PTPRG: variants seen among roughly 807,000 people sequenced by gnomAD.
PTPRG encodes receptor-type tyrosine-protein phosphatase gamma.
PTPRG carries 102 observed loss-of-function variants against 165.3 expected under a neutral mutation model. The ratio of observed to expected loss-of-function variants is 0.62; its 90% CI spans 0.53 to 0.73. The LOEUF is 0.73. Among genes scored for constraint, PTPRG ranks in the 30% least tolerant of loss-of-function variants. The probability of loss-of-function intolerance (pLI) is 0.00; values close to 1 mark genes in which losing one functional copy is unlikely to be tolerated. For missense variants in PTPRG, 1,866 were observed against 1,861.4 expected (o/e 1.00, Z -0.05); for synonymous variants, 675 against 669.5 (o/e 1.01, Z -0.13).
chr3:62,136,866 G>C (rs960288809), intron 6 of PTPRG, among the ~76,000 whole-genome samples: 1 of 152,054 alleles, frequency 6.6e-6, no homozygotes, highest in East Asian at 1.9e-4. Flanking sequence ...CCCAGTCTTG[G>C]GCATGTCTTT....
At chr3:61,742,831 A>G (rs1482096767) in intron 1 of PTPRG, 1 of 1,596,168 alleles carries the variant, frequency 6.3e-7, no homozygotes, top group Non-Finnish European at 8.6e-7. Flanking sequence ...ATTCTTTTTG[A>G]GTTTTTTCAG....
In PTPRG at chr3:62,190,884, G is replaced by A. The variant is rs1018198823; in HGVS notation, c.1034-585G>A. 6.6e-6 allele frequency among the ~76,000 whole-genome samples: 1 copy of A among 152,144 alleles called. No individual in the cohort carries two copies. ...AGACAGCGGGGAAAATTTGAATATG[G>A]ACTATATATGAGATAATAGTATTGA... On this transcript the variant is annotated intron_variant, in intron 8 of 29. Transcript: ENST00000474889. The surrounding 1 kb of genome is among the most constrained non-coding windows in gnomAD (Gnocchi z 5.2).
At chr3:61,665,980 TA>T (rs1432787794) in intron 1 of PTPRG, among the ~76,000 whole-genome samples, 2 of 98,278 alleles carry the variant, frequency 2.0e-5, no homozygotes, top group African/African-American at 6.6e-5. Flanking sequence ...AACGCCTTTT[TA>T]CTTTTTTTTT....
chr3:62,059,621 TGAGCCCAG>T (rs995061422), intron 4 of PTPRG, among the ~76,000 whole-genome samples: 3 of 152,220 alleles, frequency 2.0e-5, no homozygotes, highest in Admixed American at 6.5e-5. Flanking sequence ...ACAGATTGCA[TGAGCCCAG>T]GAGTTCAAGA....
chr3:61,919,264 G>A (rs2039019495), intron 2 of PTPRG, among the ~76,000 whole-genome samples: 1 of 152,194 alleles, frequency 6.6e-6, no homozygotes, highest in Non-Finnish European at 1.5e-5. Context: ...AGATACAGAT[G>A]TGGTTGATCA....
At chr3:61,921,090 G>C (rs2039065761) in intron 2 of PTPRG, among the ~76,000 whole-genome samples, 1 of 148,866 alleles carries the variant, frequency 6.7e-6, no homozygotes, top group African/African-American at 2.5e-5. Context: ...CTTCCTTCTT[G>C]TCTTCCATCC....
chr3:62,035,838 C>T (rs1018831921), intron 4 of PTPRG, among the ~76,000 whole-genome samples: 2 of 152,198 alleles, frequency 1.3e-5, no homozygotes, highest in African/African-American at 4.8e-5. Context: ...TTGAGAGGAG[C>T]TGTTCTCCCA....
intron 1 of PTPRG, among the ~76,000 whole-genome samples, chr3:61,656,047 C>T (rs557278384): frequency 1.1e-4 from 16 of 150,842 alleles, no homozygotes; most frequent in Non-Finnish European, 1.5e-4. Context: ...AGACCCCCCC[C>T]CCCCCGACCA....
intron 4 of PTPRG, among the ~76,000 whole-genome samples, chr3:62,058,594 C>T (rs776216867): frequency 1.3e-5 from 2 of 152,218 alleles, no homozygotes; most frequent in Non-Finnish European, 2.9e-5. Flanking sequence ...CATTCTTGCC[C>T]TGCGTTTATG....
chr3:61,623,176 G>A (rs1559528414), intron 1 of PTPRG, among the ~76,000 whole-genome samples: 1 of 152,148 alleles, frequency 6.6e-6, no homozygotes, highest in South Asian at 2.1e-4. Context: ...TCTAAGAATC[G>A]TAAGATACCA....
At chr3:61,625,341 T>G (rs1701578674) in intron 1 of PTPRG, among the ~76,000 whole-genome samples, 1 of 152,138 alleles carries the variant, frequency 6.6e-6, no homozygotes, top group Admixed American at 6.5e-5. Flanking sequence ...CAAATACTTC[T>G]TCATGAAAAA....
chr3:62,058,012 T>TG (rs1449272876), intron 4 of PTPRG, among the ~76,000 whole-genome samples: 4 of 152,330 alleles, frequency 2.6e-5, no homozygotes, highest in African/African-American at 9.6e-5. Flanking sequence ...GACCAGAACT[T>TG]GGGGCTACAG....
intron 1 of PTPRG, among the ~76,000 whole-genome samples, chr3:61,735,536 T>G (rs1352961246): frequency 2.6e-5 from 4 of 152,090 alleles, no homozygotes; most frequent in Admixed American, 1.3e-4. Flanking sequence ...TGAGTTTTTT[T>G]TTTTTTTTTC....
At chr3:61,645,229 T>C (rs549068398) in intron 1 of PTPRG, among the ~76,000 whole-genome samples, 1 of 152,362 alleles carries the variant, frequency 6.6e-6, no homozygotes, top group South Asian at 2.1e-4. Flanking sequence ...AGTGTTTGCA[T>C]TTAGCCACAG....
chr3:62,203,507 C>T lies in PTPRG; in HGVS notation c.1712C>T (p.Thr571Ile). Residue 571 changes from threonine (T) to isoleucine (I), a missense_variant, in exon 12 of 30, where the codon ACC (threonine) becomes ATC (isoleucine). Transcript: ENST00000474889. The surrounding 1 kb of genome is among the most constrained non-coding windows in gnomAD (Gnocchi z 6.4). The part of the protein sequence containing the change: ...SPGPDGDSSP[T>I]KDGEGTEEGE... The stretch of plus-strand genomic sequence containing the variant: ...GGGCCCGATGGTGATTCGTCACCAA[C>T]CAAGGACGGCGAGGGCACCGAGGAA... The T allele has an allele frequency of 6.4e-7, 1 of 1,561,202 alleles. No individual in the cohort carries two copies. The highest frequency in any genetic ancestry group is 8.7e-7 in the Non-Finnish European group (1 of 1,151,856).
Position 61,814,369 on chromosome 3 carries a change from G to A in PTPRG, c.190+65387G>A, listed in dbSNP as rs562367714. Among the ~76,000 whole-genome samples the A allele has an allele frequency of 1.8e-4, 27 of 152,218 alleles. 1 individual carries two copies. The South Asian group carries it at 3.7e-3, about 21-fold the overall frequency. On this transcript the variant is annotated intron_variant, in intron 2 of 29. Coordinates refer to ENST00000474889, the MANE Select transcript of PTPRG (RefSeq NM_002841.4). Reference sequence around the variant, plus strand: ...TAACCACTGGAGTATTCCACTTCTCGTATACAAGAACAGCTGGAAGGACAG... The same window carrying A: ...TAACCACTGGAGTATTCCACTTCTCATATACAAGAACAGCTGGAAGGACAG...
intron 1 of PTPRG, among the ~76,000 whole-genome samples, chr3:61,734,500 T>G (rs947648802): frequency 2.0e-5 from 3 of 152,174 alleles, no homozygotes; most frequent in African/African-American, 7.2e-5. Context: ...GAGTGTTTAT[T>G]TTTCAGAATT....
intron 1 of PTPRG, among the ~76,000 whole-genome samples, chr3:61,635,715 T>A (rs1036145887): frequency 2.6e-5 from 4 of 152,158 alleles, no homozygotes; most frequent in Non-Finnish European, 5.9e-5. Context: ...CTTAGGCTGA[T>A]TGCTTCCCTA....
chr3:61,902,054 G>A (rs971791467), intron 2 of PTPRG, among the ~76,000 whole-genome samples: 1 of 152,184 alleles, frequency 6.6e-6, no homozygotes, highest in African/African-American at 2.4e-5. Context: ...CCAGCTTGGT[G>A]TGGAGAAAAT....
Sources: allele counts gnomAD v4.1 joint callset (sites outside exome capture counted in the v4.1 genomes callset), GRCh38; gene constraint gnomAD v4.1.1; non-coding constraint Gnocchi (gnomAD v3.1); transcripts MANE v1.5; gene names NCBI Gene and HGNC (gene_info 2026-07-23, HGNC 2026-07-21).